Variants in HNF4G observed in about 807,000 individuals in gnomAD.
The protein encoded by HNF4G is hepatocyte nuclear factor 4-gamma.
In HNF4G, 21 loss-of-function variants were observed where a neutral mutation model predicts 50.9. The observed-to-expected ratio is 0.41, with a 90% confidence interval of 0.29 to 0.59. HNF4G has a LOEUF of 0.59. Ranked by LOEUF, HNF4G falls within the 20% of genes least tolerant of loss-of-function variation. HNF4G has a pLI of 0.26. For synonymous variants in HNF4G, 198 were observed against 185.6 expected (o/e 1.07, Z -0.54); for missense variants, 527 against 559.4 (o/e 0.94, Z 0.58).
chr8:75,538,299 C>T (rs111407504), upstream of HNF4G, among the ~76,000 whole-genome samples: 30 of 152,228 alleles, frequency 2.0e-4, no homozygotes, highest in African/African-American at 6.5e-4. Context: ...TGCCTGGATC[C>T]GGTACTGTCA....
chr8:75,466,570 CTCCTTCCTTCCTTCCTTCCT>C (rs542246055), intron 1 of HNF4G, among the ~76,000 whole-genome samples: 34 of 64,924 alleles, frequency 5.2e-4, no homozygotes, highest in African/African-American at 1.4e-3. Context: ...TCTTTTCTCG[CTCCTTCCTTCCTTCCTTCCT>C]TCCTTCCTTC....
At chr8:75,515,775 T>C (rs2130735340) in intron 2 of HNF4G, among the ~76,000 whole-genome samples, 1 of 152,146 alleles carries the variant, frequency 6.6e-6, no homozygotes, top group South Asian at 2.1e-4. Flanking sequence ...ACCATGTTTT[T>C]TTTTTTTGAG....
At position 75,517,459 on chromosome 8, in the gene HNF4G, C is replaced by T. The variant is rs751233512; in HGVS notation, c.-23-26352C>T. Among the ~76,000 whole-genome samples, 4 of 152,240 alleles carry T rather than the reference C, an allele frequency of 2.6e-5. 1 individual carries two copies. Among genetic ancestry groups the T allele is most frequent in the African/African-American group, 4.8e-5 (2 of 41,558 alleles). ...AAACAAATTAGTTACTTCCAACATA[C>T]GATGGGGGTACAGGCATTGGGTAAA... On this transcript the variant is annotated intron_variant, in intron 2 of 10. Coordinates refer to the HNF4G transcript ENST00000354370.
At chr8:75,472,060 T>C (rs934130731) in intron 1 of HNF4G, among the ~76,000 whole-genome samples, 15 of 152,170 alleles carry the variant, frequency 9.9e-5, no homozygotes, top group Non-Finnish European at 4.4e-5. Flanking sequence ...GATTCTAGCA[T>C]AGTTCCTAAC....
chr8:75,549,960 T>C (rs1806900304), intron 3 of HNF4G, among the ~76,000 whole-genome samples: 1 of 152,122 alleles, frequency 6.6e-6, no homozygotes, highest in Non-Finnish European at 1.5e-5. Flanking sequence ...TATGGCTGCA[T>C]AGTATTCCAT....
At chr8:75,558,037 A>T (rs777415420) in intron 6 of HNF4G, among the ~76,000 whole-genome samples, 11 of 87,360 alleles carry the variant, frequency 1.3e-4, no homozygotes, top group Admixed American at 2.0e-4. Flanking sequence ...ATGCTAATTT[A>T]AAAAAAAAAA....
chr8:75,418,477 C>T (rs1452417446), intron 1 of HNF4G, among the ~76,000 whole-genome samples: 2 of 152,128 alleles, frequency 1.3e-5, no homozygotes, highest in South Asian at 2.1e-4. Flanking sequence ...TAAATCAACT[C>T]GGTTCAAACA....
chr8:75,476,462 A>G (rs1254907839), intron 1 of HNF4G, among the ~76,000 whole-genome samples: 1 of 152,220 alleles, frequency 6.6e-6, no homozygotes, highest in Non-Finnish European at 1.5e-5. Context: ...AAAATTGTTG[A>G]AATTCTGCAT....
At chr8:75,506,695 A>C (rs1304069403) in intron 2 of HNF4G, among the ~76,000 whole-genome samples, 3 of 152,202 alleles carry the variant, frequency 2.0e-5, no homozygotes, top group African/African-American at 7.2e-5. Context: ...AATGTGTTCT[A>C]ATGTCCTGGA....
At chr8:75,419,996 G>A (rs951760295) in intron 1 of HNF4G, among the ~76,000 whole-genome samples, 6 of 152,044 alleles carry the variant, frequency 3.9e-5, no homozygotes, top group African/African-American at 1.5e-4. Context: ...GCACTTGGTA[G>A]TTGCTTAACC....
At chr8:75,428,340 GC>G (rs1411994941) in intron 1 of HNF4G, among the ~76,000 whole-genome samples, 1 of 152,076 alleles carries the variant, frequency 6.6e-6, no homozygotes, top group African/African-American at 2.4e-5. Context: ...TTATATGCAT[GC>G]TTTCATCTCT....
chr8:75,438,877 G>T (rs1811205073), intron 1 of HNF4G, among the ~76,000 whole-genome samples: 1 of 151,560 alleles, frequency 6.6e-6, no homozygotes, highest in African/African-American at 2.4e-5. Flanking sequence ...TCACGAGTAG[G>T]GTAAATATAT....
At chr8:75,476,831 G>A (rs917523140) in intron 1 of HNF4G, among the ~76,000 whole-genome samples, 3 of 152,156 alleles carry the variant, frequency 2.0e-5, no homozygotes, top group African/African-American at 7.2e-5. Context: ...GCAGGTGAAT[G>A]AATGCATGCA....
In HNF4G at chr8:75,553,014, G is replaced by T. The variant is rs186048646; in HGVS notation, c.490-28G>T. On this transcript the variant is annotated intron_variant, in intron 4 of 9. Coordinates refer to ENST00000396423, the MANE Select transcript of HNF4G (RefSeq NM_004133.5). ...ATGTTGGCCATCTATTATTTTAAATGATAATATAATGCTTTTCTTAATACT... is the reference window on the plus strand; with the variant it reads ...ATGTTGGCCATCTATTATTTTAAATTATAATATAATGCTTTTCTTAATACT... 1,673 of 1,524,188 alleles carry T rather than the reference G, an allele frequency of 1.1e-3. 9 individuals carry two copies. Among genetic ancestry groups the T allele is most frequent in the Non-Finnish European group, 4.6e-4 (509 of 1,116,228 alleles). The allele number at this position is 1,524,188 out of a possible 1,614,324, so 94.4% of individuals were successfully genotyped here. A position where few individuals can be genotyped will look rare whatever the true frequency, so the allele number is the denominator to read the frequency against.
intron 2 of HNF4G, among the ~76,000 whole-genome samples, chr8:75,531,552 A>G (rs2130767072): frequency 6.6e-6 from 1 of 152,270 alleles, no homozygotes; most frequent in South Asian, 2.1e-4. Flanking sequence ...TATTTGGATG[A>G]AATATCCCTT....
intron 1 of HNF4G, among the ~76,000 whole-genome samples, chr8:75,483,731 G>A (rs2130663722): frequency 6.6e-6 from 1 of 152,200 alleles, no homozygotes; most frequent in African/African-American, 2.4e-5. Context: ...ATTTAAATAG[G>A]ATGTATATAA....
chr8:75,472,579 G>C (rs75882044), intron 1 of HNF4G, among the ~76,000 whole-genome samples: 7,174 of 152,256 alleles, frequency 0.047, 235 homozygotes, highest in African/African-American at 0.081. Context: ...AAGATACAGA[G>C]TGCAAATATG....
intron 1 of HNF4G, among the ~76,000 whole-genome samples, chr8:75,488,363 TC>T (rs1812541679): frequency 6.6e-6 from 1 of 152,124 alleles, no homozygotes; most frequent in Admixed American, 6.6e-5. Flanking sequence ...AACCTTTGCC[TC>T]CCAGGATCAA....
At chr8:75,520,833 GCTTATTTTTCTGACAAAA>G (rs1164518243) in intron 2 of HNF4G, among the ~76,000 whole-genome samples, 5 of 151,540 alleles carry the variant, frequency 3.3e-5, no homozygotes, top group Non-Finnish European at 5.9e-5. Flanking sequence ...AGCTCTTCTT[GCTTATTTTTCTGACAAAA>G]CTTATTTTTC....
Sources: gnomAD v4.1 joint callset for allele counts (sites outside exome capture counted in the v4.1 genomes callset) on GRCh38, gnomAD v4.1.1 for gene constraint, MANE v1.5 for transcripts, NCBI Gene and HGNC (gene_info 2026-07-23, HGNC 2026-07-21) for gene names.